FAM162A: variants seen among roughly 807,000 people sequenced by gnomAD.
FAM162A encodes the protein protein FAM162A.
FAM162A carries 23 observed loss-of-function variants against 21.8 expected under a neutral mutation model. That is an observed-to-expected ratio of 1.05 (90% CI 0.76 to 1.49). FAM162A has a LOEUF of 1.49. FAM162A is among the 40% of genes most tolerant of loss of function. The pLI is 0.00. For synonymous variants in FAM162A, 53 were observed against 61.3 expected (o/e 0.86, Z 0.64); for missense variants, 165 against 186.4 (o/e 0.89, Z 0.67).
chr3:122,399,970 G>T (rs1352881922), intron 1 of FAM162A, among the ~76,000 whole-genome samples: 2 of 152,100 alleles, frequency 1.3e-5, no homozygotes, highest in African/African-American at 4.8e-5. Flanking sequence ...CGGGTGTGGT[G>T]GCAGACGCCT....
At chr3:122,400,424 G>C (rs2075647646) in intron 1 of FAM162A, among the ~76,000 whole-genome samples, 1 of 152,116 alleles carries the variant, frequency 6.6e-6, no homozygotes, top group South Asian at 2.1e-4. Context: ...TAATGTAGAT[G>C]ACGAGTTGAT....
rs1378975862 is a variant in FAM162A, at chr3:122,384,238, G to T, written c.-28G>T. On this transcript the variant is annotated 5_prime_UTR_variant, in exon 1 of 5. Transcript: ENST00000477892. ...GCGCCACCGTCCCCGGCGAAGTTCTGCGCTGGTCGGCGGAGTAGCAAGTGG... is the reference window on the plus strand; with the variant it reads ...GCGCCACCGTCCCCGGCGAAGTTCTTCGCTGGTCGGCGGAGTAGCAAGTGG... 3.2e-6 allele frequency: 5 copies of T among 1,563,574 alleles called. No individual in the cohort carries two copies. Among genetic ancestry groups the T allele is most frequent in the Non-Finnish European group, 4.3e-6 (5 of 1,154,382 alleles).
At chr3:122,407,584 C>T in intron 4 of FAM162A, 195 bp downstream of exon 4, 1 of 499,814 alleles carries the variant, frequency 2.0e-6, no homozygotes, top group Admixed American at 3.3e-5. Flanking sequence ...GATAGCAAAT[C>T]CTAACTTTGG....
intron 1 of FAM162A, among the ~76,000 whole-genome samples, chr3:122,393,346 C>A (rs1278302613): frequency 7.4e-5 from 10 of 134,724 alleles, no homozygotes; most frequent in African/African-American, 2.5e-4. Flanking sequence ...ATCTGAGGAG[C>A]ATTTATCCAA....
chr3:122,385,628 A>G (rs570083979), intron 1 of FAM162A, among the ~76,000 whole-genome samples: 1 of 152,278 alleles, frequency 6.6e-6, no homozygotes. Context: ...TGCATCTTGC[A>G]TAAATATATT....
chr3:122,384,219 C>G lies in FAM162A; in HGVS notation c.-47C>G. 1.9e-6 allele frequency: 3 copies of G among 1,553,778 alleles called. No homozygotes were observed. Among genetic ancestry groups the G allele is most frequent in the Non-Finnish European group, 1.7e-6 (2 of 1,148,940 alleles). On this transcript the variant is annotated 5_prime_UTR_variant, in exon 1 of 5. Coordinates refer to ENST00000477892, the MANE Select transcript of FAM162A (RefSeq NM_014367.4). ...GGTGACATTGAGCTCACCAGCGCCA[C>G]CGTCCCCGGCGAAGTTCTGCGCTGG...
At chr3:122,409,341 A>G (rs1383847866) in intron 4 of FAM162A, among the ~76,000 whole-genome samples, 1 of 152,184 alleles carries the variant, frequency 6.6e-6, no homozygotes, top group East Asian at 1.9e-4. Context: ...GTATGCAGAT[A>G]AGTTGGGGAA....
intron 3 of FAM162A, 91 bp from the exon 4 acceptor site, chr3:122,407,190 C>A: frequency 1.0e-6 from 1 of 989,390 alleles, no homozygotes. Context: ...GACACTACTA[C>A]ATTTTGAATT....
intron 3 of FAM162A, among the ~76,000 whole-genome samples, chr3:122,405,695 T>A (rs1437724020): frequency 6.6e-6 from 1 of 152,100 alleles, no homozygotes; most frequent in Non-Finnish European, 1.5e-5. Flanking sequence ...TCTGGAAGGG[T>A]CTTTTCTGGG....
chr3:122,397,783 ATTTATT>A (rs778470784), intron 1 of FAM162A, among the ~76,000 whole-genome samples: 8 of 152,216 alleles, frequency 5.3e-5, no homozygotes, highest in Non-Finnish European at 8.8e-5. Flanking sequence ...TCTTAAATGT[ATTTATT>A]TTATGAAGGT....
chr3:122,404,253 C>T lies in FAM162A; in HGVS notation c.158-5C>T. The T allele has an allele frequency of 6.8e-7, 1 of 1,480,802 alleles. No homozygotes were observed. Among genetic ancestry groups the T allele is most frequent in the Non-Finnish European group, 9.2e-7 (1 of 1,087,392 alleles). The allele number at this position is 1,480,802 out of a possible 1,614,324, so 91.7% of individuals were successfully genotyped here. ...ATAAAATTTCTTGTCTGGTTTTTCT[C>T]ATAGGCACTTACAACAGAGTGCCTT... On this transcript the variant is annotated splice_region_variant and splice_polypyrimidine_tract_variant and intron_variant, in intron 2 of 4. Coordinates refer to ENST00000477892, the MANE Select transcript of FAM162A (RefSeq NM_014367.4).
chr3:122,388,999 A>G (rs2107695024), intron 1 of FAM162A, among the ~76,000 whole-genome samples: 1 of 152,104 alleles, frequency 6.6e-6, no homozygotes, highest in South Asian at 2.1e-4. Flanking sequence ...CAGTGAGCTG[A>G]GATCACAGCA....
intron 1 of FAM162A, among the ~76,000 whole-genome samples, chr3:122,392,852 GAA>G (rs936432119): frequency 1.3e-5 from 2 of 151,958 alleles, no homozygotes; most frequent in African/African-American, 4.8e-5. Context: ...GGGTAAAATT[GAA>G]AAGTGTTCTA....
chr3:122,400,382 T>C (rs1232871325), intron 1 of FAM162A, among the ~76,000 whole-genome samples: 3 of 150,066 alleles, frequency 2.0e-5, no homozygotes, highest in Non-Finnish European at 4.5e-5. Context: ...GGGGTGGGGG[T>C]TTAGGGGAGG....
intron 1 of FAM162A, among the ~76,000 whole-genome samples, chr3:122,399,087 C>T (rs572780575): frequency 1.1e-4 from 16 of 152,256 alleles, no homozygotes; most frequent in Non-Finnish European, 1.8e-4. Flanking sequence ...CCCTACCACC[C>T]ACAACCCTCA....
At chr3:122,406,930 C>G (rs1404189685) in intron 3 of FAM162A, among the ~76,000 whole-genome samples, 1 of 151,826 alleles carries the variant, frequency 6.6e-6, no homozygotes, top group East Asian at 1.9e-4. Context: ...CATTTATAGG[C>G]TGCTTGGAAA....
intron 1 of FAM162A, chr3:122,401,352 G>A (rs750618775): frequency 5.0e-6 from 5 of 1,003,112 alleles, no homozygotes; most frequent in South Asian, 4.0e-5. Flanking sequence ...TGATTATATA[G>A]ACAGAGAACT....
rs755437516 is a variant in FAM162A at position 122,384,270 on chromosome 3, G to A, written c.5G>A (p.Gly2Glu). The change falls in exon 1 of 5, where the codon GGG (glycine) becomes GAG (glutamate). Residue 2 changes from glycine (G) to glutamate (E), a missense_variant. Physicochemically the swap from Gly to Glu is moderately conservative, Grantham distance 98. Coordinates refer to ENST00000477892, the MANE Select transcript of FAM162A (RefSeq NM_014367.4). Reference sequence around the variant, plus strand: ...TCGGCGGAGTAGCAAGTGGCCATGGGGAGCCTCAGCGGTCTGCGCCTGGCA... The same window carrying A: ...TCGGCGGAGTAGCAAGTGGCCATGGAGAGCCTCAGCGGTCTGCGCCTGGCA... MGSLSGLRLAAG... is the reference protein window; with the variant it reads MESLSGLRLAAG... 7.2e-5 allele frequency: 113 copies of A among 1,577,186 alleles called. 1 individual carries two copies. The highest frequency in any genetic ancestry group is 5.7e-5 in the Non-Finnish European group (66 of 1,161,978).
chr3:122,403,164 T>C (rs2075660715), intron 2 of FAM162A, among the ~76,000 whole-genome samples: 1 of 152,246 alleles, frequency 6.6e-6, no homozygotes, highest in Admixed American at 6.5e-5. Context: ...CGTAGGCCCA[T>C]GTTCCTACAT....
Sources: allele counts gnomAD v4.1 joint callset (sites outside exome capture counted in the v4.1 genomes callset), GRCh38; gene constraint gnomAD v4.1.1; transcripts MANE v1.5; gene names NCBI Gene and HGNC (gene_info 2026-07-23, HGNC 2026-07-21).